The following RICTOR variants were observed in gnomAD, a reference collection of about 807,000 sequenced individuals.
The protein encoded by RICTOR is RPTOR independent companion of MTOR complex 2.
Under a neutral mutation model 214.9 loss-of-function variants are expected in RICTOR, and 49 were observed. The ratio of observed to expected loss-of-function variants is 0.23; its 90% CI spans 0.18 to 0.29. RICTOR has a LOEUF of 0.29. Ranked by LOEUF, RICTOR falls within the 10% of genes least tolerant of loss-of-function variation. The pLI, the probability that RICTOR is intolerant of heterozygous loss-of-function variation, is 1.00. For synonymous variants in RICTOR, 717 were observed against 711.3 expected, an observed-to-expected ratio of 1.01 and a Z score of -0.13; for missense variants, 1,625 against 2,047.0, an observed-to-expected ratio of 0.79 and a Z score of 3.98.
At chr5:39,018,905 T>C (rs189774980) in intron 3 of RICTOR, among the ~76,000 whole-genome samples, 2 of 152,216 alleles carry the variant, frequency 1.3e-5, no homozygotes, top group Non-Finnish European at 1.5e-5. Flanking sequence ...AACTTGTGAA[T>C]GCAAAGGAAA....
At chr5:39,025,089 T>TG (rs1755710618) in intron 2 of RICTOR, among the ~76,000 whole-genome samples, 1 of 152,198 alleles carries the variant, frequency 6.6e-6, no homozygotes, top group Non-Finnish European at 1.5e-5. Context: ...GTTTGCCTAA[T>TG]GAAGATGTTA....
rs945732760 is a variant in RICTOR at position 38,941,167 on chromosome 5, A to G, written c.*1137T>C. 6.0e-5 allele frequency: 14 copies of G among 232,836 alleles called. No homozygotes were observed. Among genetic ancestry groups the G allele is most frequent in the Non-Finnish European group, 1.0e-4 (12 of 117,610 alleles). 14.4% of individuals were successfully genotyped at this position (232,836 alleles called of 1,614,324 possible). On this transcript the variant is annotated 3_prime_UTR_variant, in exon 38 of 38. Transcript: ENST00000357387. The stretch of plus-strand genomic sequence containing the variant: ...TGCCCTCATCAACTTAACTTCACAA[A>G]TGGATAAAGGCAATTAATATACTCA...
chr5:38,958,827 C>G lies in RICTOR; in HGVS notation c.2183G>C (p.Cys728Ser). Residue 728 changes from cysteine (C) to serine (S), a missense_variant, in exon 23 of 38, where the codon TGC becomes TCC. Physicochemically the swap from Cys to Ser is moderately radical, Grantham distance 112. Coordinates refer to ENST00000357387, the MANE Select transcript of RICTOR (RefSeq NM_152756.5). Reference protein sequence around the residue: ...SKILTAATDACRLYATKHLRV... With the variant: ...SKILTAATDASRLYATKHLRV... ...TAAATGTTTTGTTGCATAGAGTCTG[C>G]AGGCCTATAAGGATAAATGAATACA... 1.3e-6 allele frequency: 2 copies of G among 1,571,978 alleles called. No individual in the cohort carries two copies. Among genetic ancestry groups the G allele is most frequent in the Non-Finnish European group, 1.7e-6 (2 of 1,159,872 alleles).
chr5:39,056,429 T>C (rs1018596232), intron 2 of RICTOR, among the ~76,000 whole-genome samples: 1 of 152,038 alleles, frequency 6.6e-6, no homozygotes, highest in African/African-American at 2.4e-5. Context: ...GAGCCCACGA[T>C]TCAAGACAAG....
chr5:38,942,503 C>T (rs2112780134), intron 37 of RICTOR, 125 bp from the exon 38 acceptor site: 1 of 495,580 alleles, frequency 2.0e-6, no homozygotes, highest in East Asian at 3.2e-5. Context: ...CAGGATGCAG[C>T]ACAATGTTGC....
Position 38,960,402 on chromosome 5 carries a change from T to G in RICTOR, c.1847A>C (p.Glu616Ala). ...GAAAATATTCAGAATGCCCACCTCT[T>G]CAGATTCAAGAAGAAATTCTGTAAA... ...CQFTEFLLES[E>A]EDGQGYLEDL... is the part of the protein sequence containing the mutation. Residue 616 changes from glutamate (E) to alanine (A), a missense_variant, in exon 20 of 38, where the codon GAA becomes GCA. Physicochemically the swap from Glu to Ala is moderately radical, Grantham distance 107. Around this residue, in one of 5 missense-constraint regions of RICTOR, gnomAD observed 1,214 missense variants for 1,470.5 expected, o/e 0.83. Coordinates refer to ENST00000357387, the MANE Select transcript of RICTOR (RefSeq NM_152756.5). The G allele has an allele frequency of 6.2e-7, 1 of 1,613,438 alleles. No individual in the cohort carries two copies. Among genetic ancestry groups the G allele is most frequent in the East Asian group, 2.2e-5 (1 of 44,868 alleles).
At chr5:38,945,389 T>C (rs1748074982) in intron 34 of RICTOR, 102 bp downstream of exon 34, 1 of 756,464 alleles carries the variant, frequency 1.3e-6, no homozygotes, top group Admixed American at 2.6e-5. Flanking sequence ...GCTCACCAGC[T>C]GGGAAACTCT....
rs555205893 is a variant in RICTOR at position 39,014,837 on chromosome 5, C to A, written c.195+6202G>T. On this transcript the variant is annotated intron_variant, in intron 3 of 37. Transcript: ENST00000357387. ...CTTAAAAGGAAGTTTAGTTTTGAAG[C>A]TGAAGTTCACCCTATACAACATTTT... Among the ~76,000 whole-genome samples the A allele has an allele frequency of 2.0e-5, 3 of 152,258 alleles. No individual in the cohort carries two copies. The East Asian group carries it at 5.8e-4, about 29-fold the overall frequency.
chr5:38,945,393 A>C (rs1383421838), intron 34 of RICTOR, 98 bp downstream of exon 34: 1 of 780,136 alleles, frequency 1.3e-6, no homozygotes, highest in East Asian at 2.6e-5. Flanking sequence ...ACCAGCTGGG[A>C]AACTCTGAAT....
intron 25 of RICTOR, among the ~76,000 whole-genome samples, chr5:38,956,684 G>C (rs549163250): frequency 1.3e-5 from 2 of 151,916 alleles, no homozygotes; most frequent in African/African-American, 2.4e-5. Flanking sequence ...ATGTAACTTT[G>C]TTATAGCTCT....
chr5:38,966,524 T>C, intron 15 of RICTOR, 117 bp downstream of exon 15: 1 of 658,180 alleles, frequency 1.5e-6, no homozygotes, highest in Non-Finnish European at 2.7e-6. Flanking sequence ...GATAAACATT[T>C]ATAAGAAATG....
chr5:38,994,451 A>AAAAAAAAAAAAAAAAAAAAAAAG lies in RICTOR; in HGVS notation c.456+2367_456+2368insCTTTTTTTTTTTTTTTTTTTTTT, dbSNP rs1304761708. Among the ~76,000 whole-genome samples the AAAAAAAAAAAAAAAAAAAAAAAG allele has an allele frequency of 2.4e-4, 24 of 101,562 alleles. 5 individuals carry two copies. The highest frequency in any genetic ancestry group is 8.6e-4 in the East Asian group (3 of 3,496). 66.6% of individuals were successfully genotyped at this position (101,562 alleles called of 152,430 possible). A position where few individuals can be genotyped will look rare whatever the true frequency, so the allele number is the denominator to read the frequency against. Reference sequence around the variant, plus strand: ...AAAAAAAAAAAAAAAAAAAAAAAAAAAGTGCTTCAGATGCCAAAAGCACTA... The same window carrying AAAAAAAAAAAAAAAAAAAAAAAG: ...AAAAAAAAAAAAAAAAAAAAAAAAAAAAAAAAAAAAAAAAAAAAAAAAGAGTGCTTCAGATGCCAAAAGCACTA... On this transcript the variant is annotated intron_variant, in intron 6 of 37. Transcript: ENST00000357387.
intron 3 of RICTOR, 60 bp from the exon 4 acceptor site, chr5:39,003,682 A>G (rs1753817940): frequency 3.1e-6 from 3 of 979,778 alleles, no homozygotes; most frequent in Non-Finnish European, 4.8e-6. Flanking sequence ...ATATTTATAT[A>G]CATTATATAT....
At chr5:39,015,038 G>A (rs927967593) in intron 3 of RICTOR, among the ~76,000 whole-genome samples, 2 of 151,976 alleles carry the variant, frequency 1.3e-5, no homozygotes, top group African/African-American at 4.8e-5. Flanking sequence ...GGGATATGAG[G>A]GTGGAAAAAT....
At chr5:38,951,944 T>C (rs1203042844) in intron 30 of RICTOR, among the ~76,000 whole-genome samples, 1 of 151,994 alleles carries the variant, frequency 6.6e-6, no homozygotes, top group Non-Finnish European at 1.5e-5. Flanking sequence ...CTGGTTCTTC[T>C]GGCACATGGC....
In RICTOR at chr5:38,942,948, G is replaced by A; in HGVS notation, c.4937C>T (p.Thr1646Ile). The A allele has an allele frequency of 6.2e-7, 1 of 1,604,926 alleles. No homozygotes were observed. Among genetic ancestry groups the A allele is most frequent in the Non-Finnish European group, 8.5e-7 (1 of 1,171,696 alleles). The change falls in exon 37 of 38, where the codon ACA becomes ATA. Residue 1646 changes from threonine (T) to isoleucine (I), a missense_variant. Thr to Ile is a moderately conservative substitution (Grantham distance 89). Coordinates refer to ENST00000357387, the MANE Select transcript of RICTOR (RefSeq NM_152756.5). ...AGAGTAAAGGCATATGTCATCAAAT[G>A]TTTGAGGATACTTCTCCTTAATTCT... ...LLTIKEKYPQTFDDICLYSEV... is the reference protein window; with the variant it reads ...LLTIKEKYPQIFDDICLYSEV...
intron 2 of RICTOR, among the ~76,000 whole-genome samples, chr5:39,055,305 G>C (rs1322617369): frequency 6.6e-6 from 1 of 151,814 alleles, no homozygotes; most frequent in African/African-American, 2.4e-5. Flanking sequence ...CTCGTTGATA[G>C]TCACATTTTT....
chr5:39,041,290 T>C (rs1452104487), intron 2 of RICTOR, among the ~76,000 whole-genome samples: 4 of 152,182 alleles, frequency 2.6e-5, no homozygotes, highest in African/African-American at 9.7e-5. Context: ...ACTCAAGGAA[T>C]AGCAAGAAAT....
intron 2 of RICTOR, among the ~76,000 whole-genome samples, chr5:39,063,402 C>T (rs1241695912): frequency 6.6e-6 from 1 of 152,114 alleles, no homozygotes. Flanking sequence ...TCTTGAAATA[C>T]TAAATAATGT....
Sources: gnomAD v4.1 joint callset for allele counts (sites outside exome capture counted in the v4.1 genomes callset) on GRCh38, gnomAD v4.1.1 for gene constraint, gnomAD v4.1.1 regional missense constraint, MANE v1.5 for transcripts, NCBI Gene and HGNC (gene_info 2026-07-23, HGNC 2026-07-21) for gene names.